The following WNK1 variants were observed in gnomAD, a reference collection of about 807,000 sequenced individuals.
WNK1 encodes the protein WNK lysine deficient protein kinase 1.
A neutral mutation model predicts 222.8 loss-of-function variants in WNK1; 38 were observed. The observed-to-expected ratio is 0.17, with a 90% CI of 0.13 to 0.22. The LOEUF is 0.22. Among genes scored for constraint, WNK1 ranks in the 10% least tolerant of loss-of-function variants. The probability of loss-of-function intolerance (pLI) is 1.00; values close to 1 mark genes in which losing one functional copy is unlikely to be tolerated. For synonymous variants in WNK1, 1,090 were observed against 1,092.9 expected, an observed-to-expected ratio of 1.00 and a Z score of 0.05; for missense variants, 2,348 against 2,918.4, an observed-to-expected ratio of 0.80 and a Z score of 4.50.
At chr12:835,950 TAA>T (rs58030405) in intron 4 of WNK1, among the ~76,000 whole-genome samples, 11 of 140,804 alleles carry the variant, frequency 7.8e-5, no homozygotes, top group Admixed American at 7.1e-5. Flanking sequence ...AGACTTGGTC[TAA>T]AAAAAAAAAA....
At chr12:860,992 A>C in intron 6 of WNK1, 21 bp from the exon 7 acceptor site, 1 of 1,611,152 alleles carries the variant, frequency 6.2e-7, no homozygotes, top group Non-Finnish European at 8.5e-7. Context: ...CTACTGCTTA[A>C]TTTACCCTTT....
intron 2 of WNK1, among the ~76,000 whole-genome samples, chr12:823,820 A>G (rs1027456193): frequency 3.3e-5 from 5 of 152,062 alleles, no homozygotes; most frequent in South Asian, 2.1e-4. Context: ...CTTTTCAGCA[A>G]CTGGGCTTTG....
Position 882,110 on chromosome 12 carries a change from A to G in WNK1, c.3372+37A>G, listed in dbSNP as rs779007917. The G allele has an allele frequency of 6.5e-5, 102 of 1,572,748 alleles. 1 individual carries two copies. Among genetic ancestry groups the G allele is most frequent in the South Asian group, 5.0e-4 (43 of 86,664 alleles). On this transcript the variant is annotated intron_variant, in intron 14 of 27. Coordinates refer to ENST00000315939, the MANE Select transcript of WNK1 (RefSeq NM_018979.4). The stretch of plus-strand genomic sequence containing the variant: ...TAATTTGTGAGTTTCATGTTGTTAA[A>G]GGAATTTGACACTGAAAAAGATTTT...
chr12:876,464 T>G (rs1265261093), intron 9 of WNK1, among the ~76,000 whole-genome samples: 2 of 152,206 alleles, frequency 1.3e-5, no homozygotes, highest in Non-Finnish European at 2.9e-5. Context: ...CAAACATGAC[T>G]GCTGTTGCCA....
intron 2 of WNK1, among the ~76,000 whole-genome samples, chr12:819,409 C>T (rs1947654350): frequency 6.6e-6 from 1 of 152,106 alleles, no homozygotes; most frequent in Non-Finnish European, 1.5e-5. Flanking sequence ...TTGAATTATA[C>T]TTACCAGTTA....
intron 1 of WNK1, among the ~76,000 whole-genome samples, chr12:800,377 A>G (rs1436445850): frequency 6.6e-6 from 1 of 152,132 alleles, no homozygotes; most frequent in African/African-American, 2.4e-5. Context: ...AAATAAAAAG[A>G]TCATATAGCT....
chr12:772,568 C>T (rs1437082341), intron 1 of WNK1, among the ~76,000 whole-genome samples: 1 of 151,950 alleles, frequency 6.6e-6, no homozygotes, highest in African/African-American at 2.4e-5. Flanking sequence ...GCCTGATTTA[C>T]CTTATAGAAA....
chr12:897,448 A>G, intron 24 of WNK1, 31 bp from the exon 25 acceptor site: 3 of 1,340,654 alleles, frequency 2.2e-6, no homozygotes, highest in South Asian at 1.2e-5. Context: ...GGATTATGGT[A>G]TTTTGAATTA....
intron 4 of WNK1, among the ~76,000 whole-genome samples, chr12:856,036 C>G (rs921544385): frequency 3.3e-5 from 5 of 151,398 alleles, no homozygotes; most frequent in African/African-American, 1.2e-4. Context: ...GACGGGGTTT[C>G]ACCATGTTGG....
At chr12:864,059 A>G (rs1951420558) in intron 8 of WNK1, among the ~76,000 whole-genome samples, 1 of 151,484 alleles carries the variant, frequency 6.6e-6, no homozygotes, top group Non-Finnish European at 1.5e-5. Context: ...TATGGTATTG[A>G]TCATACTGCC....
chr12:894,813 A>G (rs573759699), intron 23 of WNK1, among the ~76,000 whole-genome samples, 178 bp downstream of exon 23: 69 of 152,352 alleles, frequency 4.5e-4, no homozygotes, highest in African/African-American at 1.5e-3. Flanking sequence ...AATAAAATAT[A>G]GAAATACTTA....
rs1274017950 is a variant in WNK1 at position 882,044 on chromosome 12, A to T, written c.3343A>T (p.Thr1115Ser). Residue 1115 changes from threonine to serine, a missense_variant, in exon 14 of 28, where the codon ACT becomes TCT. Around this residue, in one of 13 missense-constraint regions of WNK1, gnomAD observed 20 missense variants for 65.0 expected, o/e 0.31. Coordinates refer to ENST00000315939, the MANE Select transcript of WNK1 (RefSeq NM_018979.4). ...SVRSRSRHEK[T>S]SRPKLRILNV... Reference sequence around the variant, plus strand: ...AAGGAGTCGCTCTCGACATGAAAAAACTTCACGCCCAAAATTAAGAATTTT... The same window carrying T: ...AAGGAGTCGCTCTCGACATGAAAAATCTTCACGCCCAAAATTAAGAATTTT... 6.2e-7 allele frequency: 1 copy of T among 1,613,656 alleles called. No homozygotes were observed. The highest frequency in any genetic ancestry group is 2.2e-5 in the East Asian group (1 of 44,890).
chr12:840,616 A>G (rs1385478977), intron 4 of WNK1, among the ~76,000 whole-genome samples: 1 of 152,190 alleles, frequency 6.6e-6, no homozygotes, highest in African/African-American at 2.4e-5. Context: ...GAATAATTGC[A>G]ACAGACTGTA....
chr12:887,838 CTT>C (rs1247543491), intron 20 of WNK1, among the ~76,000 whole-genome samples: 1 of 152,068 alleles, frequency 6.6e-6, no homozygotes, highest in Admixed American at 6.6e-5. Context: ...TGTGCTGTCT[CTT>C]TTAAAATAAA....
Position 861,007 on chromosome 12 carries a change from C to G in WNK1, c.1621-6C>G. 8.1e-6 allele frequency: 13 copies of G among 1,610,798 alleles called. No individual in the cohort carries two copies. The highest frequency in any genetic ancestry group is 1.0e-5 in the Non-Finnish European group (12 of 1,179,112). On this transcript the variant is annotated splice_polypyrimidine_tract_variant and splice_region_variant and intron_variant, in intron 6 of 27. Coordinates refer to ENST00000315939, the MANE Select transcript of WNK1 (RefSeq NM_018979.4). ...CTACTGCTTAATTTACCCTTTTATT[C>G]TGTAGGTAGAGTCTGGGTATGTCTG...
At chr12:804,445 T>C (rs1421479380) in intron 1 of WNK1, among the ~76,000 whole-genome samples, 1 of 115,464 alleles carries the variant, frequency 8.7e-6, no homozygotes, top group Non-Finnish European at 2.1e-5. Flanking sequence ...CGATCTCAGC[T>C]CACTGCAACC....
intron 8 of WNK1, chr12:865,170 C>T (rs72649830): frequency 3.3e-6 from 5 of 1,517,812 alleles, no homozygotes; most frequent in South Asian, 2.4e-5. Flanking sequence ...GCCTCTGTGT[C>T]CCGCATCTCT....
At chr12:886,123 C>CA (rs779905641) in intron 19 of WNK1, 39 bp downstream of exon 19, 20 of 1,413,184 alleles carry the variant, frequency 1.4e-5, no homozygotes, top group Non-Finnish European at 9.3e-6. Context: ...TAAATATGAT[C>CA]AGTTTTTTTT....
chr12:877,943 T>G, intron 9 of WNK1: 2 of 473,742 alleles, frequency 4.2e-6, no homozygotes, highest in Non-Finnish European at 7.7e-6. Flanking sequence ...TAAAGACCTA[T>G]TGTTGGGGTG....
Sources: gnomAD v4.1 joint callset for allele counts (sites outside exome capture counted in the v4.1 genomes callset) on GRCh38, gnomAD v4.1.1 for gene constraint, gnomAD v4.1.1 regional missense constraint, MANE v1.5 for transcripts, NCBI Gene and HGNC (gene_info 2026-07-23, HGNC 2026-07-21) for gene names.